The following TMCC1 variants were observed in gnomAD, a reference collection of about 807,000 sequenced individuals.
TMCC1 encodes transmembrane and coiled-coil domains protein 1.
Under a neutral mutation model 52.4 loss-of-function variants are expected in TMCC1, and 15 were observed. That is an observed-to-expected ratio of 0.29 (90% CI 0.19 to 0.44). The LOEUF (loss-of-function observed/expected upper bound fraction) is 0.44. Ranked by LOEUF, TMCC1 falls within the 20% of genes least tolerant of loss-of-function variation. TMCC1 has a pLI of 1.00. For missense variants in TMCC1, 503 were observed against 806.0 expected (o/e 0.62, Z 4.55); for synonymous variants, 279 against 301.9 (o/e 0.92, Z 0.79).
intron 2 of TMCC1, among the ~76,000 whole-genome samples, chr3:129,870,763 A>C (rs1434673147): frequency 4.8e-5 from 7 of 145,442 alleles, no homozygotes; most frequent in African/African-American, 1.8e-4. Context: ...CCATCTCAAA[A>C]AAAAAAAAAA....
chr3:129,827,985 T>G lies in TMCC1; in HGVS notation c.394A>C (p.Lys132Gln). ...HSRRGKPEAP[K>Q]GSPQINRKSG... ...TTCCTGTTGATTTGGGGACTTCCCT[T>G]TGGGGCCTCTGGCTTGCCCCGCCTA... Residue 132 changes from lysine to glutamine, a missense_variant, in exon 4 of 7, where the codon AAG becomes CAG. Physicochemically the swap from Lys to Gln is moderately conservative, Grantham distance 53. Around this residue, in one of 7 missense-constraint regions of TMCC1, gnomAD observed 217 missense variants for 297.9 expected, o/e 0.73. Coordinates refer to ENST00000393238, the MANE Select transcript of TMCC1 (RefSeq NM_001017395.5). 6.2e-7 allele frequency: 1 copy of G among 1,614,160 alleles called. No homozygotes were observed. The highest frequency in any genetic ancestry group is 8.5e-7 in the Non-Finnish European group (1 of 1,180,010).
chr3:129,694,243 C>A (rs747894319), intron 4 of TMCC1, among the ~76,000 whole-genome samples: 3 of 152,218 alleles, frequency 2.0e-5, no homozygotes, highest in African/African-American at 7.2e-5. Context: ...TGAATCCTTA[C>A]GAAAACGTCC....
intron 2 of TMCC1, among the ~76,000 whole-genome samples, chr3:129,859,589 A>T (rs1465335965): frequency 6.6e-6 from 1 of 151,794 alleles, no homozygotes; most frequent in Non-Finnish European, 1.5e-5. Flanking sequence ...GTGAGCCATG[A>T]TCTCACCACT....
intron 4 of TMCC1, among the ~76,000 whole-genome samples, chr3:129,717,521 T>G (rs984078007): frequency 6.6e-6 from 1 of 152,146 alleles, no homozygotes; most frequent in Admixed American, 6.5e-5. Context: ...CTATTCAACA[T>G]TCCCACTTAG....
intron 4 of TMCC1, among the ~76,000 whole-genome samples, chr3:129,780,346 C>T (rs1384673590): frequency 6.6e-6 from 1 of 152,092 alleles, no homozygotes; most frequent in African/African-American, 2.4e-5. Context: ...TCTTCCTCTA[C>T]TGAACCTATA....
chr3:129,701,548 A>G (rs1372820877), intron 4 of TMCC1, among the ~76,000 whole-genome samples: 1 of 152,276 alleles, frequency 6.6e-6, no homozygotes, highest in Non-Finnish European at 1.5e-5. Context: ...CTGTGGTCAT[A>G]TGAATATATA....
At chr3:129,879,266 C>T (rs2061358029) in intron 2 of TMCC1, among the ~76,000 whole-genome samples, 1 of 152,040 alleles carries the variant, frequency 6.6e-6, no homozygotes, top group Non-Finnish European at 1.5e-5. Flanking sequence ...CATAGCGAGA[C>T]CCTCATCTCT....
Position 129,812,166 on chromosome 3 carries a change from A to G in TMCC1, c.576+15637T>C, listed in dbSNP as rs1005866697. On this transcript the variant is annotated intron_variant, in intron 4 of 6. Transcript: ENST00000393238. The stretch of plus-strand genomic sequence containing the variant: ...AGATCAGCCTGGCCAACACAGTGAA[A>G]CTCCATCTCTGCTAAATATGCAAAA... Among the ~76,000 whole-genome samples the G allele has an allele frequency of 6.6e-5, 10 of 151,784 alleles. No individual in the cohort carries two copies. The East Asian group carries it at 1.9e-3, about 29-fold the overall frequency.
intron 4 of TMCC1, among the ~76,000 whole-genome samples, chr3:129,765,742 A>T (rs1371858701): frequency 2.6e-5 from 4 of 152,188 alleles, no homozygotes; most frequent in African/African-American, 9.7e-5. Flanking sequence ...GTTCTGGGTT[A>T]TGGAGCTCAA....
At chr3:129,892,362 C>T (rs1326136171) in intron 1 of TMCC1, among the ~76,000 whole-genome samples, 4 of 152,126 alleles carry the variant, frequency 2.6e-5, no homozygotes, top group Non-Finnish European at 5.9e-5. Flanking sequence ...AAGTTAAAAT[C>T]CCATCTATAA....
intron 4 of TMCC1, among the ~76,000 whole-genome samples, chr3:129,701,124 T>C (rs187602537): frequency 6.6e-6 from 1 of 152,342 alleles, no homozygotes; most frequent in East Asian, 1.9e-4. Flanking sequence ...CTGGCTTTCT[T>C]GATGCTGATA....
At chr3:129,729,070 A>G (rs570888509) in intron 4 of TMCC1, among the ~76,000 whole-genome samples, 10 of 152,148 alleles carry the variant, frequency 6.6e-5, no homozygotes, top group Admixed American at 1.3e-4. Flanking sequence ...TCATGTTTCT[A>G]GGTTAAATAC....
intron 4 of TMCC1, among the ~76,000 whole-genome samples, chr3:129,697,704 T>C (rs2047514292): frequency 6.6e-6 from 1 of 152,194 alleles, no homozygotes; most frequent in African/African-American, 2.4e-5. Context: ...TGCCAGATAC[T>C]GTAAATAATC....
chr3:129,697,764 G>A (rs1049384704), intron 4 of TMCC1, among the ~76,000 whole-genome samples: 5 of 152,098 alleles, frequency 3.3e-5, no homozygotes, highest in Non-Finnish European at 5.9e-5. Flanking sequence ...GCAAAGTGCC[G>A]CCAGTCTCTT....
intron 4 of TMCC1, among the ~76,000 whole-genome samples, chr3:129,812,980 C>T (rs774736937): frequency 1.3e-5 from 2 of 152,030 alleles, no homozygotes; most frequent in Non-Finnish European, 2.9e-5. Flanking sequence ...ATCAGACAAC[C>T]CTCATTAAAA....
chr3:129,810,285 G>A (rs777201177), intron 4 of TMCC1, among the ~76,000 whole-genome samples: 7 of 152,110 alleles, frequency 4.6e-5, no homozygotes, highest in Non-Finnish European at 1.0e-4. Flanking sequence ...TTAAACCCAG[G>A]AGGCAGGGGT....
At chr3:129,740,208 A>G (rs1192847309) in intron 4 of TMCC1, among the ~76,000 whole-genome samples, 1 of 152,180 alleles carries the variant, frequency 6.6e-6, no homozygotes, top group African/African-American at 2.4e-5. Flanking sequence ...CCATACTTCC[A>G]TCTCAGATGT....
In TMCC1 at chr3:129,880,439, T is replaced by C. The variant is rs1225470181; in HGVS notation, c.-314A>G. 2.6e-5 allele frequency: 4 copies of C among 152,096 alleles called. No individual in the cohort carries two copies. The highest frequency in any genetic ancestry group is 4.8e-5 in the African/African-American group (2 of 41,416). The allele number at this position is 152,096 out of a possible 1,614,324, so 9.4% of individuals were successfully genotyped here. On this transcript the variant is annotated 5_prime_UTR_variant, in exon 2 of 7. Transcript: ENST00000393238. Reference sequence around the variant, plus strand: ...ACAGAAGATCCATATGAAAAAGAGATCCAATCTGGGAGGATGGACACTGTG... The same window carrying C: ...ACAGAAGATCCATATGAAAAAGAGACCCAATCTGGGAGGATGGACACTGTG...
intron 4 of TMCC1, chr3:129,794,397 C>A (rs372097517): frequency 8.8e-6 from 4 of 455,924 alleles, no homozygotes; most frequent in Non-Finnish European, 1.8e-5. Context: ...AAGCAATCCA[C>A]GAAGGGTTTT....
Sources: allele counts gnomAD v4.1 joint callset (sites outside exome capture counted in the v4.1 genomes callset), GRCh38; gene constraint gnomAD v4.1.1; regional missense constraint gnomAD v4.1.1; transcripts MANE v1.5; gene names NCBI Gene and HGNC (gene_info 2026-07-23, HGNC 2026-07-21).